SORCS2: variants seen among roughly 807,000 people sequenced by gnomAD.
SORCS2 encodes the protein VPS10 domain-containing receptor SorCS2.
In SORCS2, 100 loss-of-function variants were observed where a neutral mutation model predicts 141.6. That is an observed-to-expected ratio of 0.71 (90% CI 0.60 to 0.83). SORCS2 has a LOEUF of 0.83. Among genes scored for constraint, SORCS2 ranks in the 40% least tolerant of loss-of-function variants. The pLI is 0.00. For synonymous variants in SORCS2, 789 were observed against 676.9 expected (o/e 1.17, Z -2.57); for missense variants, 1,646 against 1,560.2 (o/e 1.05, Z -0.93).
intron 2 of SORCS2, among the ~76,000 whole-genome samples, chr4:7,438,308 C>G (rs1392083025): frequency 6.6e-6 from 1 of 152,216 alleles, no homozygotes; most frequent in East Asian, 1.9e-4. Context: ...ACTGGGCTTT[C>G]CTCTTGACCA....
chr4:7,419,720 C>A (rs1353367621), intron 2 of SORCS2, among the ~76,000 whole-genome samples: 1 of 152,018 alleles, frequency 6.6e-6, no homozygotes, highest in African/African-American at 2.4e-5. Context: ...GACAAATAGG[C>A]CTCTCTGCAC....
Position 7,554,268 on chromosome 4 carries a change from G to A in SORCS2, c.648+22639G>A, listed in dbSNP as rs574320089. 2.4e-4 allele frequency among the ~76,000 whole-genome samples: 36 copies of A among 152,332 alleles called. No individual in the cohort carries two copies. The East Asian group carries it at 5.6e-3, about 24-fold the overall frequency. ...GGCAGGATGCACTCCCAGTGCTGGA[G>A]GATTGACTGTGATGAACCCAAAAGT... On this transcript the variant is annotated intron_variant, in intron 3 of 26. Transcript: ENST00000507866.
At position 7,606,561 on chromosome 4, in the gene SORCS2, G is replaced by A. The variant is rs554348407; in HGVS notation, c.649-31767G>A. Among the ~76,000 whole-genome samples the A allele has an allele frequency of 2.6e-5, 4 of 152,190 alleles. No individual in the cohort carries two copies. The South Asian group carries it at 8.3e-4, about 32-fold the overall frequency. On this transcript the variant is annotated intron_variant, in intron 3 of 26. Coordinates refer to ENST00000507866, the MANE Select transcript of SORCS2 (RefSeq NM_020777.3). The stretch of plus-strand genomic sequence containing the variant: ...GATGTCGGGCTGCTAAGAACATGTA[G>A]CTCCTGAACCTCCTCAGGAACAGGG...
At chr4:7,566,793 G>A (rs931422651) in intron 3 of SORCS2, among the ~76,000 whole-genome samples, 4 of 152,200 alleles carry the variant, frequency 2.6e-5, no homozygotes, top group African/African-American at 9.6e-5. Context: ...GGGGGCACAT[G>A]GGTATCTGGT....
chr4:7,397,622 A>G (rs1724299561), intron 2 of SORCS2, among the ~76,000 whole-genome samples: 1 of 152,174 alleles, frequency 6.6e-6, no homozygotes, highest in South Asian at 2.1e-4. Context: ...TGCTTTAAAA[A>G]TGTCTCGTTC....
chr4:7,368,905 T>A (rs1257218965), intron 1 of SORCS2, among the ~76,000 whole-genome samples: 1 of 152,126 alleles, frequency 6.6e-6, no homozygotes, highest in Non-Finnish European at 1.5e-5. Flanking sequence ...ATCTGATGGT[T>A]TTAAAAACTG....
chr4:7,371,383 C>G (rs932610588), intron 1 of SORCS2, among the ~76,000 whole-genome samples: 1 of 152,164 alleles, frequency 6.6e-6, no homozygotes, highest in East Asian at 1.9e-4. Context: ...GTTTCCATGG[C>G]GATGTCCGTT....
intron 3 of SORCS2, among the ~76,000 whole-genome samples, chr4:7,636,639 C>T (rs1473925964): frequency 2.0e-5 from 3 of 152,056 alleles, no homozygotes; most frequent in Non-Finnish European, 2.9e-5. Context: ...CAAACCCAGC[C>T]GGGATAAGGG....
chr4:7,369,516 A>C (rs1722116878), intron 1 of SORCS2, among the ~76,000 whole-genome samples: 1 of 152,194 alleles, frequency 6.6e-6, no homozygotes, highest in Non-Finnish European at 1.5e-5. Context: ...GTATTTGCTA[A>C]GCCACACAGG....
At chr4:7,685,330 A>C (rs1268337161) in intron 10 of SORCS2, among the ~76,000 whole-genome samples, 1 of 152,118 alleles carries the variant, frequency 6.6e-6, no homozygotes, top group African/African-American at 2.4e-5. Context: ...GCACGGGGAA[A>C]TGCAGAGCCA....
intron 1 of SORCS2, among the ~76,000 whole-genome samples, chr4:7,218,371 A>AT (rs1199699281): frequency 6.6e-6 from 1 of 152,152 alleles, no homozygotes; most frequent in African/African-American, 2.4e-5. Context: ...TGGAAGCCTT[A>AT]TTTTTACCGT....
chr4:7,536,471 T>C (rs1004509283), intron 3 of SORCS2, among the ~76,000 whole-genome samples: 4 of 152,128 alleles, frequency 2.6e-5, no homozygotes, highest in African/African-American at 9.7e-5. Context: ...CCAGAGAAGC[T>C]GGTTAAGGCA....
intron 3 of SORCS2, among the ~76,000 whole-genome samples, chr4:7,590,929 T>C (rs1008096934): frequency 2.0e-5 from 3 of 152,174 alleles, no homozygotes; most frequent in African/African-American, 7.2e-5. Flanking sequence ...GGGGTGAGCT[T>C]TCTTGTCCTT....
chr4:7,670,810 G>A (rs1366268280), intron 8 of SORCS2, among the ~76,000 whole-genome samples: 9 of 152,186 alleles, frequency 5.9e-5, no homozygotes, highest in Non-Finnish European at 1.2e-4. Context: ...GCTTGAAGGA[G>A]CGGGAGGGTG....
rs56959945 is a variant in SORCS2 at position 7,587,718 on chromosome 4, C to T, written c.649-50610C>T. 6.8e-3 allele frequency among the ~76,000 whole-genome samples: 1,030 copies of T among 152,292 alleles called. 14 individuals carry two copies. The highest frequency in any genetic ancestry group is 0.023 in the African/African-American group (976 of 41,560). The stretch of plus-strand genomic sequence containing the variant: ...CAGGCTGGGCCCAGGCGTGTCTGCC[C>T]ACCTCCCGTCACTTTAAATATGTAA... On this transcript the variant is annotated intron_variant, in intron 3 of 26. Transcript: ENST00000507866.
chr4:7,435,780 G>A (rs1291711403), intron 2 of SORCS2, among the ~76,000 whole-genome samples: 3 of 152,252 alleles, frequency 2.0e-5, no homozygotes, highest in Non-Finnish European at 4.4e-5. Context: ...GCACGCACAG[G>A]CGCCTTGCGT....
intron 1 of SORCS2, among the ~76,000 whole-genome samples, chr4:7,281,889 C>T (rs529258715): frequency 4.1e-4 from 62 of 152,308 alleles, no homozygotes; most frequent in African/African-American, 1.3e-3. Flanking sequence ...GCCGAGGGAC[C>T]GCATTTTCCA....
intron 3 of SORCS2, among the ~76,000 whole-genome samples, chr4:7,624,692 A>G (rs1719411427): frequency 6.6e-6 from 1 of 152,280 alleles, no homozygotes; most frequent in East Asian, 1.9e-4. Flanking sequence ...GTCCAACCGT[A>G]CATAGTTAAT....
At chr4:7,583,227 A>C (rs1440322386) in intron 3 of SORCS2, among the ~76,000 whole-genome samples, 1 of 152,144 alleles carries the variant, frequency 6.6e-6, no homozygotes, top group East Asian at 1.9e-4. Flanking sequence ...ATTCCCAAGC[A>C]TCCAGTGTTC....
Sources: gnomAD v4.1 joint callset for allele counts (sites outside exome capture counted in the v4.1 genomes callset) on GRCh38, gnomAD v4.1.1 for gene constraint, MANE v1.5 for transcripts, NCBI Gene and HGNC (gene_info 2026-07-23, HGNC 2026-07-21) for gene names.